FHAD1: variants seen among roughly 807,000 people sequenced by gnomAD.
FHAD1 encodes forkhead-associated domain-containing protein 1.
A neutral mutation model predicts 191.3 loss-of-function variants in FHAD1; 146 were observed. That is an observed-to-expected ratio of 0.76 (90% CI 0.67 to 0.88). The LOEUF is 0.88. Ranked by LOEUF, FHAD1 falls within the 40% of genes least tolerant of loss-of-function variation. FHAD1 has a pLI of 0.00. For synonymous variants in FHAD1, 616 were observed against 672.3 expected, an observed-to-expected ratio of 0.92 and a Z score of 1.29; for missense variants, 1,635 against 1,785.8, an observed-to-expected ratio of 0.92 and a Z score of 1.52.
rs1663897978 is a variant in FHAD1, at chr1:15,289,800, AGC to A, written c.568+135_568+136del. 2.9e-6 allele frequency: 4 copies of A among 1,363,388 alleles called. No individual in the cohort carries two copies. The highest frequency in any genetic ancestry group is 1.5e-5 in the African/African-American group (1 of 68,284). The allele number at this position is 1,363,388 out of a possible 1,614,324, so 84.5% of individuals were successfully genotyped here. ...AAAAAATGAAAATAAATTCAGGATA[AGC>A]AGAAAGTAAGAAAACAGTTAAAAAA... On this transcript the variant is annotated intron_variant, in intron 4 of 33. Coordinates refer to ENST00000688493, the MANE Select transcript of FHAD1 (RefSeq NM_001391957.1). This position sits in a 1 kb window ranked among gnomAD's most constrained non-coding sequence, Gnocchi z 4.2.
At chr1:15,392,405 G>A (rs966129658) in intron 33 of FHAD1, among the ~76,000 whole-genome samples, 7 of 152,244 alleles carry the variant, frequency 4.6e-5, no homozygotes, top group Middle Eastern at 3.4e-3. Context: ...GGTGGCGGGC[G>A]CCTGTAGTCC....
At chr1:15,254,922 T>C (rs1351802106) in intron 2 of FHAD1, among the ~76,000 whole-genome samples, 1 of 152,208 alleles carries the variant, frequency 6.6e-6, no homozygotes, top group African/African-American at 2.4e-5. Flanking sequence ...GGCATGTCCA[T>C]ATTTTTCAGA....
chr1:15,374,233 A>T (rs1286512026), intron 26 of FHAD1, among the ~76,000 whole-genome samples: 1 of 152,232 alleles, frequency 6.6e-6, no homozygotes, highest in Non-Finnish European at 1.5e-5. Flanking sequence ...ATAGAACAGT[A>T]TTAGAAGAAA....
Position 15,347,039 on chromosome 1 carries a change from A to C in FHAD1, c.2346+1516A>C, listed in dbSNP as rs576187028. ...ACCCACTGCTGCAGGAGAAACAAAA[A>C]GACCTCTGGGCAAAGCCTGTGCCAT... On this transcript the variant is annotated intron_variant, in intron 18 of 33. Coordinates refer to ENST00000688493, the MANE Select transcript of FHAD1 (RefSeq NM_001391957.1). Among the ~76,000 whole-genome samples the C allele has an allele frequency of 5.3e-5, 8 of 152,374 alleles. No individual in the cohort carries two copies. The South Asian group carries it at 1.4e-3, about 28-fold the overall frequency.
At chr1:15,353,007 G>C in intron 20 of FHAD1, 23 bp downstream of exon 20, 22 of 1,492,838 alleles carry the variant, frequency 1.5e-5, no homozygotes, top group South Asian at 2.4e-5. Context: ...GGGAGGGAGA[G>C]ACGAGAGGGG....
In FHAD1 at chr1:15,329,470, C is replaced by A; in HGVS notation, c.1835C>A (p.Ala612Glu). Residue 612 changes from alanine to glutamate, a missense_variant, in exon 14 of 34, where the codon GCG becomes GAG. By Grantham distance (107) the Ala-to-Glu change is moderately radical (BLOSUM62 -1). Transcript: ENST00000688493. This position sits in a 1 kb window ranked among gnomAD's most constrained non-coding sequence, Gnocchi z 5.0. ...QKVVLDVLRHALSWLEEVEQL... is the reference protein window; with the variant it reads ...QKVVLDVLRHELSWLEEVEQL... Reference sequence around the variant, plus strand: ...GTGGTGCTGGACGTCCTGAGGCACGCGCTGTCCTGGCTGGAGGAGGTGGAG... The same window carrying A: ...GTGGTGCTGGACGTCCTGAGGCACGAGCTGTCCTGGCTGGAGGAGGTGGAG... 3 of 1,551,266 alleles carry A rather than the reference C, an allele frequency of 1.9e-6. No homozygotes were observed. The highest frequency in any genetic ancestry group is 2.6e-6 in the Non-Finnish European group (3 of 1,146,990).
intron 23 of FHAD1, among the ~76,000 whole-genome samples, chr1:15,363,551 T>C (rs550843321): frequency 4.1e-4 from 62 of 152,314 alleles, no homozygotes; most frequent in African/African-American, 1.4e-3. Flanking sequence ...ATCTAGCTAA[T>C]ACTGTTATTA....
rs367713922 is a variant in FHAD1 at position 15,313,133 on chromosome 1, C to T, written c.1116C>T (p.His372=). The T allele has an allele frequency of 6.4e-6, 10 of 1,551,764 alleles. No homozygotes were observed. The highest frequency in any genetic ancestry group is 8.7e-6 in the Non-Finnish European group (10 of 1,147,042). ...AACAACTAAAGGAAGAGGTCAGTCA[C>T]CTAAAAAGTCAGAACAAGGACAAGG... ...QVQQLKEEVS[H]LKSQNKDKDH... Residue 372 remains histidine, a synonymous_variant, in exon 8 of 34, where the codon CAC becomes CAT. Transcript: ENST00000688493.
chr1:15,359,183 CAA>C (rs1157475854), intron 21 of FHAD1, among the ~76,000 whole-genome samples: 2 of 151,940 alleles, frequency 1.3e-5, no homozygotes, highest in African/African-American at 4.8e-5. Flanking sequence ...GAAGAGGAGA[CAA>C]GAGGAGTAAG....
At position 15,301,273 on chromosome 1, in the gene FHAD1, C is replaced by CA. The variant is rs1668685297; in HGVS notation, c.750dup (p.Asp251ArgfsTer10). On this transcript the variant is annotated frameshift_variant, in exon 6 of 34. Transcript: ENST00000688493. LOFTEE classifies it high-confidence loss of function. ...CAGATTATGAAATTGAATCCAAATA[C>CA]AAAGACGTCATAATAGCAAACCTGC... is the stretch of plus-strand genomic sequence containing the variant. 1 of 1,551,632 alleles carries CA rather than the reference C, an allele frequency of 6.4e-7. No individual in the cohort carries two copies. The highest frequency in any genetic ancestry group is 2.0e-5 in the Admixed American group (1 of 50,976).
intron 4 of FHAD1, among the ~76,000 whole-genome samples, chr1:15,295,273 T>C (rs761000785): frequency 3.3e-4 from 51 of 152,310 alleles, no homozygotes; most frequent in Non-Finnish European, 6.8e-4. Flanking sequence ...GTTGTTATGC[T>C]GTATTTTTAT....
Position 15,380,793 on chromosome 1 carries a change from G to A in FHAD1, c.3798G>A (p.Lys1266=). The part of the protein sequence containing the change: ...DVAEALELSE[K]LYLDMSKTLG... The stretch of plus-strand genomic sequence containing the variant: ...CTGAGGCTTTAGAGCTCAGTGAAAA[G>A]CTGGTATGTACATCCAGCATCCACC... The change falls in exon 29 of 34, where the codon AAG becomes AAA. Residue 1266 remains lysine (K), a synonymous_variant. Transcript: ENST00000688493. The A allele has an allele frequency of 6.4e-7, 1 of 1,551,432 alleles. No homozygotes were observed. The highest frequency in any genetic ancestry group is 1.2e-5 in the South Asian group (1 of 84,052).
intron 2 of FHAD1, among the ~76,000 whole-genome samples, chr1:15,263,678 C>T (rs937740371): frequency 4.0e-5 from 6 of 151,874 alleles, no homozygotes; most frequent in African/African-American, 1.2e-4. Flanking sequence ...CCTGCCACCA[C>T]GCCCAACTAA....
At position 15,316,021 on chromosome 1, in the gene FHAD1, C is replaced by T. The variant is rs1674320925; in HGVS notation, c.1171-357C>T. Among the ~76,000 whole-genome samples the T allele has an allele frequency of 6.6e-6, 1 of 152,254 alleles. No individual in the cohort carries two copies. Among genetic ancestry groups the T allele is most frequent in the Non-Finnish European group, 1.5e-5 (1 of 68,044 alleles). On this transcript the variant is annotated intron_variant, in intron 8 of 33. Transcript: ENST00000688493. This position sits in a 1 kb window ranked among gnomAD's most constrained non-coding sequence, Gnocchi z 4.3. ...AGTGGTGTCTTGGAGGAGTGAATTG[C>T]ATGAAGCACTGAGAGCCGTCCAGGC...
intron 28 of FHAD1, among the ~76,000 whole-genome samples, chr1:15,377,384 C>G (rs936739933): frequency 2.0e-5 from 3 of 152,144 alleles, no homozygotes; most frequent in African/African-American, 7.2e-5. Context: ...CAGGCCTTCC[C>G]CTTGGCAGTG....
intron 13 of FHAD1, 119 bp downstream of exon 13, chr1:15,328,548 C>T (rs1188440023): frequency 2.4e-6 from 2 of 841,920 alleles, no homozygotes; most frequent in Non-Finnish European, 3.3e-6. Flanking sequence ...CTTTTCTATC[C>T]ACTTTTTCCT....
rs1245802342 is a variant in FHAD1, at chr1:15,381,351, G to A, written c.3922G>A (p.Asp1308Asn). ...GAAGGTCAACCAGCTTCGACAAAGG[G>A]ACCTCGACCTGGTGTTTGATAAGAT... is the stretch of plus-strand genomic sequence containing the variant. ...REKVNQLRQR[D>N]LDLVFDKITQ... The change falls in exon 30 of 34, where the codon GAC becomes AAC. Residue 1308 changes from aspartate to asparagine, a missense_variant. Coordinates refer to ENST00000688493, the MANE Select transcript of FHAD1 (RefSeq NM_001391957.1). This position sits in a 1 kb window ranked among gnomAD's most constrained non-coding sequence, Gnocchi z 4.6. 3 of 1,551,610 alleles carry A rather than the reference G, an allele frequency of 1.9e-6. No homozygotes were observed. Among genetic ancestry groups the A allele is most frequent in the Non-Finnish European group, 1.7e-6 (2 of 1,147,004 alleles).
At chr1:15,288,616 A>G (rs74722944) in intron 3 of FHAD1, among the ~76,000 whole-genome samples, 2,626 of 152,294 alleles carry the variant, frequency 0.017, 101 homozygotes, top group East Asian at 0.15. Flanking sequence ...ATTTTGACCA[A>G]CATTTGAGGA....
At chr1:15,301,466 C>A (rs1258221832) in intron 6 of FHAD1, 25 bp downstream of exon 6, 2 of 1,542,968 alleles carry the variant, frequency 1.3e-6, no homozygotes, top group Non-Finnish European at 1.8e-6. Context: ...AGAGGTACAG[C>A]ACAGCTCTCA....
Sources: gnomAD v4.1 joint callset for allele counts (sites outside exome capture counted in the v4.1 genomes callset) on GRCh38, gnomAD v4.1.1 for gene constraint, Gnocchi (gnomAD v3.1) non-coding constraint, MANE v1.5 for transcripts, NCBI Gene and HGNC (gene_info 2026-07-23, HGNC 2026-07-21) for gene names.